ADAMTS17: variants seen among roughly 807,000 people sequenced by gnomAD.
The protein encoded by ADAMTS17 is A disintegrin and metalloproteinase with thrombospondin motifs 17.
In ADAMTS17, 113 loss-of-function variants were observed where a neutral mutation model predicts 141.5. The ratio of observed to expected loss-of-function variants is 0.80; its 90% CI spans 0.69 to 0.93. The LOEUF (loss-of-function observed/expected upper bound fraction) is 0.93, where lower values mean the gene tolerates loss of function less well. ADAMTS17 is among the 40% of genes least tolerant of loss of function. The pLI, the probability that ADAMTS17 is intolerant of heterozygous loss-of-function variation, is 0.00. For synonymous variants in ADAMTS17, 768 were observed against 630.6 expected (o/e 1.22, Z -3.27); for missense variants, 1,659 against 1,517.9 (o/e 1.09, Z -1.54).
intron 4 of ADAMTS17, among the ~76,000 whole-genome samples, chr15:100,273,446 A>G (rs527910586): frequency 6.6e-6 from 1 of 152,160 alleles, no homozygotes; most frequent in Non-Finnish European, 1.5e-5. Flanking sequence ...GTGTCTAGGA[A>G]TTTGTCCACT....
intron 6 of ADAMTS17, among the ~76,000 whole-genome samples, chr15:100,260,547 G>A (rs544115713): frequency 1.9e-3 from 296 of 151,844 alleles, no homozygotes; most frequent in Non-Finnish European, 3.1e-3. Context: ...CCAGGACGCA[G>A]AGGTTGCAGT....
chr15:100,020,415 C>T (rs1277464316), intron 18 of ADAMTS17, among the ~76,000 whole-genome samples: 1 of 152,214 alleles, frequency 6.6e-6, no homozygotes, highest in Non-Finnish European at 1.5e-5. Flanking sequence ...AGGGCTCCAA[C>T]AGGACTGAGC....
chr15:100,012,034 C>T (rs970296265), intron 18 of ADAMTS17, among the ~76,000 whole-genome samples: 3 of 152,324 alleles, frequency 2.0e-5, no homozygotes, highest in South Asian at 2.1e-4. Flanking sequence ...TCCCTGATCA[C>T]GGCATCCATG....
chr15:100,075,896 T>C (rs942499629), intron 15 of ADAMTS17, among the ~76,000 whole-genome samples: 1 of 152,190 alleles, frequency 6.6e-6, no homozygotes, highest in African/African-American at 2.4e-5. Flanking sequence ...TGCTTCCACG[T>C]AGACCTGGTT....
At chr15:100,003,002 T>A (rs1168659264) in intron 18 of ADAMTS17, among the ~76,000 whole-genome samples, 1 of 152,060 alleles carries the variant, frequency 6.6e-6, no homozygotes, top group East Asian at 1.9e-4. Flanking sequence ...TCACCCCTCC[T>A]CTGGGGCTGC....
rs564884254 is a variant in ADAMTS17 at position 100,111,151 on chromosome 15, G to A, written c.1889-2035C>T. ...CACCATGCATCCATTCACCAAGCAG[G>A]GACTGACCCCTCCCTCACACAAGGC... On this transcript the variant is annotated intron_variant, in intron 13 of 21. Transcript: ENST00000268070. Among the ~76,000 whole-genome samples the A allele has an allele frequency of 7.2e-5, 11 of 152,216 alleles. No individual in the cohort carries two copies. The South Asian group carries it at 1.9e-3, about 26-fold the overall frequency.
chr15:100,073,291 AG>A (rs1232778643), intron 15 of ADAMTS17, among the ~76,000 whole-genome samples: 3 of 152,216 alleles, frequency 2.0e-5, no homozygotes, highest in Admixed American at 1.3e-4. Context: ...GTGGAGAAAT[AG>A]GAACACTTTT....
At chr15:100,078,316 G>T (rs775644903) in intron 15 of ADAMTS17, among the ~76,000 whole-genome samples, 1 of 151,538 alleles carries the variant, frequency 6.6e-6, no homozygotes, top group Admixed American at 6.6e-5. Context: ...AGAAGTTGAA[G>T]AACTCAGATT....
At chr15:100,006,867 G>T (rs60665869) in intron 18 of ADAMTS17, among the ~76,000 whole-genome samples, 1 of 152,150 alleles carries the variant, frequency 6.6e-6, no homozygotes, top group African/African-American at 2.4e-5. Flanking sequence ...CATACAACAT[G>T]GCAGCATAAA....
intron 3 of ADAMTS17, among the ~76,000 whole-genome samples, chr15:100,303,361 C>G (rs2141825679): frequency 6.6e-6 from 1 of 151,544 alleles, no homozygotes; most frequent in East Asian, 1.9e-4. Context: ...AAATACAAGT[C>G]TCTTACCGGA....
intron 20 of ADAMTS17, among the ~76,000 whole-genome samples, chr15:99,982,469 C>T (rs140642350): frequency 2.0e-5 from 3 of 152,304 alleles, no homozygotes; most frequent in East Asian, 3.9e-4. Flanking sequence ...TGCTGTTGAA[C>T]GACACCCTCG....
At chr15:100,151,952 T>C (rs1437669599) in intron 10 of ADAMTS17, among the ~76,000 whole-genome samples, 1 of 152,172 alleles carries the variant, frequency 6.6e-6, no homozygotes, top group East Asian at 1.9e-4. Flanking sequence ...CTCTACTACC[T>C]ACTAACAAAG....
chr15:100,085,958 C>T (rs2035072175), intron 15 of ADAMTS17, among the ~76,000 whole-genome samples: 1 of 151,578 alleles, frequency 6.6e-6, no homozygotes, highest in Admixed American at 6.6e-5. Context: ...AAATAACCAG[C>T]TAATATCATA....
At chr15:100,168,958 G>T (rs1037776020) in intron 8 of ADAMTS17, among the ~76,000 whole-genome samples, 4 of 152,240 alleles carry the variant, frequency 2.6e-5, no homozygotes, top group Non-Finnish European at 2.9e-5. Context: ...ATTCCCCGGA[G>T]GGGCGACTAT....
intron 20 of ADAMTS17, chr15:99,978,726 C>T (rs545816471): frequency 6.6e-6 from 1 of 152,344 alleles, no homozygotes; most frequent in Non-Finnish European, 1.5e-5. Context: ...TTGGGGGCAC[C>T]TTGGAGGAAG....
chr15:100,012,253 ATTGTT>A (rs2061200661), intron 18 of ADAMTS17, among the ~76,000 whole-genome samples: 2 of 151,866 alleles, frequency 1.3e-5, no homozygotes, highest in South Asian at 2.1e-4. Context: ...TTTTATTCTT[ATTGTT>A]TTGAGTTCAT....
intron 18 of ADAMTS17, among the ~76,000 whole-genome samples, chr15:99,998,024 A>G (rs1262761608): frequency 6.6e-6 from 1 of 152,194 alleles, no homozygotes; most frequent in Non-Finnish European, 1.5e-5. Context: ...GAACAGTCCC[A>G]GTACAGGGAA....
At chr15:100,152,904 A>T in intron 9 of ADAMTS17, 142 bp from the exon 10 acceptor site, 1 of 666,594 alleles carries the variant, frequency 1.5e-6, no homozygotes, top group Non-Finnish European at 2.0e-6. Flanking sequence ...CAGGCACTGG[A>T]CACACAGACT....
chr15:99,992,527 A>G (rs904423593), intron 20 of ADAMTS17, among the ~76,000 whole-genome samples: 1 of 152,212 alleles, frequency 6.6e-6, no homozygotes, highest in Admixed American at 6.5e-5. Context: ...ACCTGGAGAA[A>G]CATTCAGTGG....
Sources: allele counts gnomAD v4.1 joint callset (sites outside exome capture counted in the v4.1 genomes callset), GRCh38; gene constraint gnomAD v4.1.1; transcripts MANE v1.5; gene names NCBI Gene and HGNC (gene_info 2026-07-23, HGNC 2026-07-21).